PODNL1: variants seen among roughly 807,000 people sequenced by gnomAD.
PODNL1 encodes the protein podocan-like protein 1.
In PODNL1, 50 loss-of-function variants were observed where a neutral mutation model predicts 45.1. The observed-to-expected ratio is 1.11, with a 90% CI of 0.88 to 1.40. The LOEUF is 1.40. PODNL1 is among the 40% of genes most tolerant of loss of function. The pLI is 0.00. For synonymous variants in PODNL1, 406 were observed against 372.5 expected (o/e 1.09, Z -1.04); for missense variants, 788 against 793.3 (o/e 0.99, Z 0.08).
intron 9 of PODNL1, 27 bp from the exon 10 acceptor site, chr19:13,931,914 C>G: frequency 8.1e-7 from 1 of 1,232,116 alleles, no homozygotes; most frequent in Non-Finnish European, 1.0e-6. Context: ...TCATGACCCT[C>G]CCAGGCCCTC....
chr19:13,936,542 G>C lies in PODNL1; in HGVS notation c.226-82C>G, dbSNP rs889827024. On this transcript the variant is annotated intron_variant, in intron 2 of 9. Transcript: ENST00000588872. ...AGCACTGATTCTCAACTTCCCATCA[G>C]CCCAAACCAGCCCCATACCATCATC... is the stretch of plus-strand genomic sequence containing the variant. 23 of 1,069,880 alleles carry C rather than the reference G, an allele frequency of 2.1e-5. No homozygotes were observed. In the African/African-American group the frequency reaches 3.6e-4, roughly 17 times the overall value. 66.3% of individuals were successfully genotyped at this position (1,069,880 alleles called of 1,614,324 possible).
intron 1 of PODNL1, among the ~76,000 whole-genome samples, chr19:13,945,778 C>G (rs1389949586): frequency 6.6e-6 from 1 of 151,822 alleles, no homozygotes; most frequent in Non-Finnish European, 1.5e-5. Context: ...AGCCACTGCA[C>G]CTGGTGTTGT....
chr19:13,936,300 G>C, intron 3 of PODNL1, 67 bp downstream of exon 3: 1 of 1,421,250 alleles, frequency 7.0e-7, no homozygotes, highest in Non-Finnish European at 9.9e-7. Flanking sequence ...GCGGGGGAGG[G>C]GGATGGCAGC....
intron 1 of PODNL1, among the ~76,000 whole-genome samples, chr19:13,948,169 G>A (rs564156559): frequency 2.0e-5 from 3 of 151,844 alleles, no homozygotes; most frequent in Middle Eastern, 3.4e-3. Context: ...GAGCCACCAC[G>A]GCCAATATTC....
intron 1 of PODNL1, chr19:13,952,952 G>A (rs1973141911): frequency 1.5e-5 from 14 of 925,830 alleles, no homozygotes; most frequent in Non-Finnish European, 2.2e-5. Flanking sequence ...AGAATCAGGA[G>A]GAAGGGGGCG....
chr19:13,934,471 C>T, intron 5 of PODNL1, 61 bp from the exon 6 acceptor site: 1 of 1,433,806 alleles, frequency 7.0e-7, no homozygotes, highest in Non-Finnish European at 9.2e-7. Flanking sequence ...CCCACTCCCG[C>T]ACCACACCCT....
rs1419696018 is a variant in PODNL1, at chr19:13,934,422, C to T, written c.495-12G>A. Reference sequence around the variant, plus strand: ...GGAGGTACACGGACCTGAGGAGAGCCAGGCTCCGGCCACCAGCCTGCCCCT... The same window carrying T: ...GGAGGTACACGGACCTGAGGAGAGCTAGGCTCCGGCCACCAGCCTGCCCCT... On this transcript the variant is annotated splice_polypyrimidine_tract_variant and intron_variant, in intron 5 of 9. Coordinates refer to ENST00000588872, the MANE Select transcript of PODNL1 (RefSeq NM_001370095.3). The T allele has an allele frequency of 1.6e-5, 24 of 1,493,410 alleles. No individual in the cohort carries two copies. Among genetic ancestry groups the T allele is most frequent in the Non-Finnish European group, 2.1e-5 (24 of 1,120,072 alleles). 92.5% of individuals were successfully genotyped at this position (1,493,410 alleles called of 1,614,324 possible).
chr19:13,932,489 A>G, intron 8 of PODNL1: 1 of 651,882 alleles, frequency 1.5e-6, no homozygotes, highest in South Asian at 2.2e-5. Context: ...AGCCTCCTGA[A>G]TAGCTGGGAC....
chr19:13,941,684 G>A (rs899143893), upstream of PODNL1, among the ~76,000 whole-genome samples: 5 of 151,870 alleles, frequency 3.3e-5, no homozygotes, highest in African/African-American at 1.2e-4. Flanking sequence ...ATGGTGGCAG[G>A]CACCTATAAT....
chr19:13,931,932 C>G, intron 9 of PODNL1, 32 bp downstream of exon 9: 1 of 1,232,246 alleles, frequency 8.1e-7, no homozygotes, highest in Non-Finnish European at 1.0e-6. Flanking sequence ...CTCCCCTGCC[C>G]ACCTCCACCC....
Position 13,932,912 on chromosome 19 carries a change from G to T in PODNL1, c.1311C>A (p.Leu437=). ...LQLQRNQLRM[L]EPEPLAGLDQ... ...CCAGGCCGGCCAGAGGCTCGGGCTC[G>T]AGCATCCGCAGCTGGTTGCGTTGCA... is the stretch of plus-strand genomic sequence containing the variant. Residue 437 remains leucine (L), a synonymous_variant, in exon 8 of 10, where the codon CTC becomes CTA. Coordinates refer to ENST00000588872, the MANE Select transcript of PODNL1 (RefSeq NM_001370095.3). 2.5e-6 allele frequency: 4 copies of T among 1,585,236 alleles called. No homozygotes were observed. The African/African-American group carries it at 4.0e-5, about 16-fold the overall frequency.
chr19:13,938,157 A>G (rs757302430), intron 1 of PODNL1, 22 bp downstream of exon 1: 19 of 1,592,058 alleles, frequency 1.2e-5, no homozygotes, highest in Non-Finnish European at 1.5e-5. Flanking sequence ...CCACCCTCAG[A>G]CCCTCCCGTG....
rs1599457885 is a variant in PODNL1, at chr19:13,952,961, C to T, written c.18+158G>A. On this transcript the variant is annotated intron_variant, in intron 1 of 7. Transcript: ENST00000538371. ...GCAGGGAGAATCAGGAGGAAGGGGG[C>T]GATCCAGGCTTTTCAAAGCTCTGCT... 26 of 946,214 alleles carry T rather than the reference C, an allele frequency of 2.7e-5. No individual in the cohort carries two copies. The East Asian group carries it at 6.2e-4, about 23-fold the overall frequency. The allele number at this position is 946,214 out of a possible 1,614,324, so 58.6% of individuals were successfully genotyped here. A position where few individuals can be genotyped will look rare whatever the true frequency, so the allele number is the denominator to read the frequency against.
chr19:13,934,526 T>TGTGG, intron 5 of PODNL1, 116 bp from the exon 6 acceptor site: 3 of 898,852 alleles, frequency 3.3e-6, no homozygotes, highest in Non-Finnish European at 4.7e-6. Context: ...TGTGTGTGTG[T>TGTGG]GCGCGCGCAT....
chr19:13,934,022 G>A, intron 6 of PODNL1, 29 bp from the exon 7 acceptor site: 3 of 1,565,620 alleles, frequency 1.9e-6, no homozygotes, highest in Non-Finnish European at 2.6e-6. Context: ...AATGAGACTT[G>A]AGTCTGGGAT....
At chr19:13,938,893 G>T (rs981919935), upstream of PODNL1, among the ~76,000 whole-genome samples, 2 of 152,200 alleles carry the variant, frequency 1.3e-5, no homozygotes, top group African/African-American at 2.4e-5. Context: ...CAGGGCCTTG[G>T]TTTCCCTTTC....
intron 1 of PODNL1, among the ~76,000 whole-genome samples, chr19:13,944,763 G>A (rs7256252): frequency 3.4e-5 from 5 of 146,812 alleles, no homozygotes; most frequent in East Asian, 4.0e-4. Context: ...CCTGTTTGGG[G>A]TTTTTTTTTT....
At chr19:13,946,055 G>A (rs1972805733) in intron 1 of PODNL1, among the ~76,000 whole-genome samples, 1 of 152,036 alleles carries the variant, frequency 6.6e-6, no homozygotes, top group South Asian at 2.1e-4. Context: ...GAAAAGAAAG[G>A]AAATGGTGGA....
Position 13,931,644 on chromosome 19 carries a change from C to T in PODNL1, c.*93G>A. On this transcript the variant is annotated 3_prime_UTR_variant, in exon 10 of 10. Coordinates refer to ENST00000588872, the MANE Select transcript of PODNL1 (RefSeq NM_001370095.3). The stretch of plus-strand genomic sequence containing the variant: ...GCCCAGCCCTGGAGGCCCAGGAGAG[C>T]CAGACCAAGGGCCCCTGGTGGGCGT... 8.3e-7 allele frequency: 1 copy of T among 1,206,084 alleles called. No homozygotes were observed. The highest frequency in any genetic ancestry group is 4.3e-5 in the South Asian group (1 of 23,084). The allele number at this position is 1,206,084 out of a possible 1,614,324, so 74.7% of individuals were successfully genotyped here.
Sources: allele counts gnomAD v4.1 joint callset (sites outside exome capture counted in the v4.1 genomes callset), GRCh38; gene constraint gnomAD v4.1.1; transcripts MANE v1.5; gene names NCBI Gene and HGNC (gene_info 2026-07-23, HGNC 2026-07-21).